Variants in MYO5B observed in about 807,000 individuals in gnomAD.
MYO5B encodes unconventional myosin-Vb.
Under a neutral mutation model 229.3 loss-of-function variants are expected in MYO5B, and 143 were observed. The ratio of observed to expected loss-of-function variants is 0.62; its 90% CI spans 0.54 to 0.72. The LOEUF (loss-of-function observed/expected upper bound fraction) is 0.72, where lower values mean the gene tolerates loss of function less well. Ranked by LOEUF, MYO5B falls within the 30% of genes least tolerant of loss-of-function variation. The probability of loss-of-function intolerance (pLI) is 0.00; values close to 1 mark genes in which losing one functional copy is unlikely to be tolerated. For missense variants in MYO5B, 2,321 were observed against 2,331.0 expected (o/e 1.00, Z 0.09); for synonymous variants, 918 against 885.2 (o/e 1.04, Z -0.66).
At chr18:49,937,171 C>T (rs551073143) in intron 15 of MYO5B, 74 bp downstream of exon 15, 79 of 1,561,306 alleles carry the variant, frequency 5.1e-5, no homozygotes, top group East Asian at 4.0e-4. Flanking sequence ...TCTCACCCTG[C>T]CGCCATCCTT....
At chr18:50,084,326 C>T (rs2031282836) in intron 1 of MYO5B, among the ~76,000 whole-genome samples, 1 of 152,178 alleles carries the variant, frequency 6.6e-6, no homozygotes, top group African/African-American at 2.4e-5. Flanking sequence ...TTACTACTCT[C>T]TCTAGAGTTA....
At chr18:50,016,357 A>T (rs950280517) in intron 4 of MYO5B, among the ~76,000 whole-genome samples, 1 of 152,248 alleles carries the variant, frequency 6.6e-6, no homozygotes, top group African/African-American at 2.4e-5. Flanking sequence ...AAAGGCTGGC[A>T]TCTAATTTGG....
At chr18:50,019,802 G>A (rs546940063) in intron 4 of MYO5B, among the ~76,000 whole-genome samples, 7 of 152,112 alleles carry the variant, frequency 4.6e-5, no homozygotes, top group South Asian at 2.1e-4. Context: ...CTCAAATTTC[G>A]TCTGCTTTAA....
intron 1 of MYO5B, among the ~76,000 whole-genome samples, chr18:50,057,917 C>T (rs2030591385): frequency 6.6e-6 from 1 of 152,180 alleles, no homozygotes; most frequent in African/African-American, 2.4e-5. Context: ...CATCATCTCA[C>T]TCTCCCCTGC....
intron 17 of MYO5B, among the ~76,000 whole-genome samples, chr18:49,915,871 GC>G (rs1407714208): frequency 6.6e-6 from 1 of 152,146 alleles, no homozygotes; most frequent in Non-Finnish European, 1.5e-5. Flanking sequence ...TCCTGTCTCG[GC>G]CCCCAAGTTT....
intron 4 of MYO5B, among the ~76,000 whole-genome samples, chr18:50,022,618 C>T (rs16951408): frequency 0.019 from 2,891 of 152,190 alleles, 77 homozygotes; most frequent in African/African-American, 0.062. Flanking sequence ...TGCCTGCTGC[C>T]GTGGAGAAAG....
chr18:50,185,317 A>G (rs986839553), intron 1 of MYO5B, among the ~76,000 whole-genome samples: 3 of 151,910 alleles, frequency 2.0e-5, no homozygotes, highest in African/African-American at 2.4e-5. Context: ...GAGAGAGAGA[A>G]AGAACAATGA....
chr18:49,837,941 A>T (rs542409005), intron 36 of MYO5B, 139 bp from the exon 37 acceptor site: 237 of 1,185,928 alleles, frequency 2.0e-4, no homozygotes, highest in Non-Finnish European at 2.8e-4. Context: ...TTAGGAACTT[A>T]TAACATTTGG....
intron 1 of MYO5B, among the ~76,000 whole-genome samples, chr18:50,090,128 T>A (rs1051011331): frequency 1.3e-5 from 2 of 152,032 alleles, no homozygotes; most frequent in Non-Finnish European, 2.9e-5. Context: ...AATTATCCAC[T>A]CCTTAAAACT....
At chr18:50,019,579 A>G (rs544704967) in intron 4 of MYO5B, among the ~76,000 whole-genome samples, 3 of 152,378 alleles carry the variant, frequency 2.0e-5, no homozygotes, top group Middle Eastern at 3.4e-3. Flanking sequence ...TGTGATGTCC[A>G]TCTTGGCCAA....
chr18:50,115,104 C>T (rs531780291), intron 1 of MYO5B, among the ~76,000 whole-genome samples: 1 of 152,212 alleles, frequency 6.6e-6, no homozygotes, highest in Non-Finnish European at 1.5e-5. Context: ...TTACACCTGT[C>T]CCCACACTGT....
chr18:50,146,045 A>G (rs1599055493), intron 1 of MYO5B, among the ~76,000 whole-genome samples: 1 of 152,370 alleles, frequency 6.6e-6, no homozygotes, highest in East Asian at 1.9e-4. Flanking sequence ...CCTAGAAGGT[A>G]GGAAAGATGA....
At chr18:50,077,970 T>C (rs1244525476) in intron 1 of MYO5B, among the ~76,000 whole-genome samples, 2 of 152,208 alleles carry the variant, frequency 1.3e-5, no homozygotes, top group Non-Finnish European at 2.9e-5. Flanking sequence ...AGACATATAT[T>C]AGCACAAAAG....
At chr18:49,848,431 C>G (rs2024157841) in intron 32 of MYO5B, among the ~76,000 whole-genome samples, 1 of 152,064 alleles carries the variant, frequency 6.6e-6, no homozygotes, top group Admixed American at 6.5e-5. Flanking sequence ...TGGAAGAGGA[C>G]CAGGACGAGT....
intron 14 of MYO5B, among the ~76,000 whole-genome samples, chr18:49,944,325 C>T (rs184953119): frequency 1.1e-4 from 17 of 152,102 alleles, no homozygotes; most frequent in Non-Finnish European, 2.1e-4. Context: ...CAACAATGCA[C>T]CACAGAGAAC....
intron 1 of MYO5B, among the ~76,000 whole-genome samples, chr18:50,193,686 T>A (rs1307211926): frequency 6.6e-6 from 1 of 152,242 alleles, no homozygotes; most frequent in East Asian, 1.9e-4. Flanking sequence ...GCATAGGCAC[T>A]GTTAAACGTG....
chr18:49,938,861 C>T (rs910687296), intron 14 of MYO5B, among the ~76,000 whole-genome samples: 3 of 152,004 alleles, frequency 2.0e-5, no homozygotes, highest in African/African-American at 7.2e-5. Context: ...AGGTTGAGCC[C>T]TGCCCCTCCC....
At chr18:50,155,810 CA>C (rs1166770202) in intron 1 of MYO5B, among the ~76,000 whole-genome samples, 1 of 152,222 alleles carries the variant, frequency 6.6e-6, no homozygotes, top group African/African-American at 2.4e-5. Flanking sequence ...GTAACCACTA[CA>C]AACCAAGATC....
intron 8 of MYO5B, among the ~76,000 whole-genome samples, chr18:49,982,514 T>C (rs562033945): frequency 7.9e-5 from 12 of 152,340 alleles, no homozygotes; most frequent in African/African-American, 2.4e-4. Flanking sequence ...CCTTTCCTGC[T>C]GTGGGATTCT....
Sources: gnomAD v4.1 joint callset for allele counts (sites outside exome capture counted in the v4.1 genomes callset) on GRCh38, gnomAD v4.1.1 for gene constraint, MANE v1.5 for transcripts, NCBI Gene and HGNC (gene_info 2026-07-23, HGNC 2026-07-21) for gene names.